The following AGBL4 variants were observed in gnomAD, a reference collection of about 807,000 sequenced individuals.
AGBL4 encodes the protein cytosolic carboxypeptidase 6.
A neutral mutation model predicts 66.4 loss-of-function variants in AGBL4; 58 were observed. That is an observed-to-expected ratio of 0.87 (90% CI 0.71 to 1.09). The LOEUF (loss-of-function observed/expected upper bound fraction) is 1.09, where lower values mean the gene tolerates loss of function less well. AGBL4 is among the 50% of genes least tolerant of loss of function. The probability of loss-of-function intolerance (pLI) is 0.00; values close to 1 mark genes in which losing one functional copy is unlikely to be tolerated. For missense variants in AGBL4, 579 were observed against 631.0 expected, an observed-to-expected ratio of 0.92 and a Z score of 0.88; for synonymous variants, 234 against 222.9, an observed-to-expected ratio of 1.05 and a Z score of -0.44.
At chr1:49,107,671 GTA>G (rs1370631209) in intron 4 of AGBL4, among the ~76,000 whole-genome samples, 7 of 132,176 alleles carry the variant, frequency 5.3e-5, no homozygotes, top group African/African-American at 9.1e-5. Flanking sequence ...ATGAATATGT[GTA>G]TGTGTGTGTG....
At chr1:49,158,254 A>G (rs946482723) in intron 4 of AGBL4, among the ~76,000 whole-genome samples, 2 of 152,212 alleles carry the variant, frequency 1.3e-5, no homozygotes, top group African/African-American at 4.8e-5. Flanking sequence ...AATACCATTC[A>G]GGACATAGAC....
At chr1:49,453,998 C>G (rs1186961438) in intron 3 of AGBL4, among the ~76,000 whole-genome samples, 5 of 151,706 alleles carry the variant, frequency 3.3e-5, no homozygotes, top group African/African-American at 1.2e-4. Flanking sequence ...TTATCCGGAG[C>G]TATTTATTCC....
chr1:49,878,427 C>T (rs1647096573), intron 1 of AGBL4, among the ~76,000 whole-genome samples: 1 of 151,608 alleles, frequency 6.6e-6, no homozygotes, highest in African/African-American at 2.4e-5. Context: ...ACCCAGTAGT[C>T]ATTCAGGAGC....
At chr1:48,890,588 T>G (rs1650842773) in intron 5 of AGBL4, among the ~76,000 whole-genome samples, 1 of 152,178 alleles carries the variant, frequency 6.6e-6, no homozygotes, top group African/African-American at 2.4e-5. Context: ...TGTGTTTTTG[T>G]GATGTCCAAT....
intron 9 of AGBL4, among the ~76,000 whole-genome samples, chr1:48,595,520 A>C (rs948776739): frequency 6.6e-6 from 1 of 152,216 alleles, no homozygotes; most frequent in Non-Finnish European, 1.5e-5. Flanking sequence ...TGAGAATAGA[A>C]GGTGGGGGAT....
chr1:49,282,947 G>C (rs1473009000), intron 3 of AGBL4, among the ~76,000 whole-genome samples: 1 of 152,306 alleles, frequency 6.6e-6, no homozygotes, highest in Admixed American at 6.5e-5. Context: ...CTGGGGGAGG[G>C]GCGCCCGCCA....
chr1:48,567,569 T>C (rs1274795442), intron 11 of AGBL4, among the ~76,000 whole-genome samples: 1 of 152,202 alleles, frequency 6.6e-6, no homozygotes, highest in African/African-American at 2.4e-5. Context: ...TTGAAATTCA[T>C]CCCATTGCTT....
chr1:49,937,941 A>C (rs964280984), intron 1 of AGBL4, among the ~76,000 whole-genome samples: 3 of 152,104 alleles, frequency 2.0e-5, no homozygotes, highest in Non-Finnish European at 4.4e-5. Flanking sequence ...AAGAACTAGA[A>C]AAGCAAGAGC....
intron 6 of AGBL4, among the ~76,000 whole-genome samples, chr1:48,733,442 T>C (rs1648481506): frequency 6.6e-6 from 1 of 152,162 alleles, no homozygotes; most frequent in African/African-American, 2.4e-5. Context: ...TTTTCCTCTG[T>C]GAAAGAAGAG....
chr1:49,976,899 TCTTAA>T (rs995351498), intron 1 of AGBL4, among the ~76,000 whole-genome samples: 2 of 152,232 alleles, frequency 1.3e-5, no homozygotes, highest in Non-Finnish European at 2.9e-5. Context: ...CATCTCAATT[TCTTAA>T]CTTAATCAAT....
chr1:49,427,158 T>C (rs773771375), intron 3 of AGBL4, among the ~76,000 whole-genome samples: 4 of 152,114 alleles, frequency 2.6e-5, no homozygotes, highest in Non-Finnish European at 5.9e-5. Flanking sequence ...GCACCAATAG[T>C]ACTTGGTACT....
In AGBL4 at chr1:48,969,526, T is replaced by G. The variant is rs191144724; in HGVS notation, c.594+76058A>C. On this transcript the variant is annotated intron_variant, in intron 5 of 13. Coordinates refer to ENST00000371839, the MANE Select transcript of AGBL4 (RefSeq NM_032785.4). ...CCACAGAGATTTGCAAAGATTAAAT[T>G]AATAGATATCCATGAAATAGCTTGG... is the stretch of plus-strand genomic sequence containing the variant. 2.3e-3 allele frequency among the ~76,000 whole-genome samples: 345 copies of G among 152,228 alleles called. 2 individuals carry two copies. The highest frequency in any genetic ancestry group is 5.0e-3 in the Admixed American group (77 of 15,292).
At chr1:49,632,165 A>G (rs931221418) in intron 3 of AGBL4, among the ~76,000 whole-genome samples, 6 of 152,206 alleles carry the variant, frequency 3.9e-5, no homozygotes. Context: ...ACTTAAATTT[A>G]GGGTTGAGAG....
chr1:48,980,081 G>C (rs1215188922), intron 5 of AGBL4, among the ~76,000 whole-genome samples: 2 of 152,124 alleles, frequency 1.3e-5, no homozygotes, highest in Non-Finnish European at 2.9e-5. Context: ...TTTCAGCTAA[G>C]CCTGACTTAG....
intron 4 of AGBL4, among the ~76,000 whole-genome samples, chr1:49,081,325 C>T (rs1320320173): frequency 1.3e-5 from 2 of 152,198 alleles, no homozygotes; most frequent in Admixed American, 6.5e-5. Flanking sequence ...AAAGTCCCAG[C>T]TCTACAGTTT....
intron 3 of AGBL4, among the ~76,000 whole-genome samples, chr1:49,373,129 A>G (rs1443630243): frequency 6.6e-6 from 1 of 152,168 alleles, no homozygotes; most frequent in African/African-American, 2.4e-5. Context: ...ACTACCTTCT[A>G]CACTCTGTAT....
intron 3 of AGBL4, among the ~76,000 whole-genome samples, chr1:49,303,222 T>C (rs1042177539): frequency 1.3e-5 from 2 of 152,172 alleles, no homozygotes; most frequent in African/African-American, 4.8e-5. Context: ...TCTAGGTCTT[T>C]GAGGAATCGC....
intron 4 of AGBL4, among the ~76,000 whole-genome samples, chr1:49,206,180 G>C (rs539598631): frequency 8.5e-5 from 13 of 152,148 alleles, no homozygotes; most frequent in Non-Finnish European, 1.8e-4. Context: ...GGGGCAATCT[G>C]TATGTGTTTG....
At chr1:49,005,916 G>C (rs1159812472) in intron 5 of AGBL4, among the ~76,000 whole-genome samples, 7 of 152,054 alleles carry the variant, frequency 4.6e-5, no homozygotes, top group Non-Finnish European at 7.4e-5. Context: ...CAGGAGAATT[G>C]CTTGAACCTG....
Sources: gnomAD v4.1 joint callset for allele counts (sites outside exome capture counted in the v4.1 genomes callset) on GRCh38, gnomAD v4.1.1 for gene constraint, MANE v1.5 for transcripts, NCBI Gene and HGNC (gene_info 2026-07-23, HGNC 2026-07-21) for gene names.